CUL1: variants seen among roughly 807,000 people sequenced by gnomAD.
CUL1 encodes the protein cullin 1.
Under a neutral mutation model 118.0 loss-of-function variants are expected in CUL1, and 24 were observed. The ratio of observed to expected loss-of-function variants is 0.20; its 90% CI spans 0.15 to 0.29. CUL1 has a LOEUF of 0.29. Ranked by LOEUF, CUL1 falls within the 10% of genes least tolerant of loss-of-function variation. The pLI is 1.00. For synonymous variants in CUL1, 332 were observed against 340.4 expected (o/e 0.98, Z 0.27); for missense variants, 361 against 933.8 (o/e 0.39, Z 7.99).
In CUL1 at chr7:148,725,219, G is replaced by GCGCGCACACACACACACA; in HGVS notation, c.-161-4742_-161-4741insGCGCACACACACACACAC. Among the ~76,000 whole-genome samples, 156 of 140,140 alleles carry GCGCGCACACACACACACA rather than the reference G, an allele frequency of 1.1e-3. 1 individual carries two copies. Among genetic ancestry groups the GCGCGCACACACACACACA allele is most frequent in the East Asian group, 1.9e-3 (9 of 4,634 alleles). The allele number at this position is 140,140 out of a possible 152,430, so 91.9% of individuals were successfully genotyped here. The stretch of plus-strand genomic sequence containing the variant: ...CGTGTACACACACACACACGCGCGC[G>GCGCGCACACACACACACA]CTCACACACACACACACACACACAC... On this transcript the variant is annotated intron_variant, in intron 1 of 21. Transcript: ENST00000325222.
chr7:148,773,380 C>G (rs1800284753), intron 9 of CUL1, among the ~76,000 whole-genome samples: 1 of 152,060 alleles, frequency 6.6e-6, no homozygotes, highest in Non-Finnish European at 1.5e-5. Flanking sequence ...CAGCTCAAAT[C>G]CTCCCTTCTA....
intron 17 of CUL1, among the ~76,000 whole-genome samples, chr7:148,796,804 A>T (rs1288533686): frequency 6.6e-6 from 1 of 152,130 alleles, no homozygotes; most frequent in Non-Finnish European, 1.5e-5. Context: ...CTGGCTCAGG[A>T]AGTGGGCACC....
intron 12 of CUL1, 73 bp from the exon 13 acceptor site, chr7:148,786,916 C>T (rs938749139): frequency 4.8e-5 from 75 of 1,548,430 alleles, no homozygotes; most frequent in African/African-American, 2.3e-4. Flanking sequence ...GGCTTGTGGC[C>T]GGTGACAGTC....
chr7:148,783,844 T>C lies in CUL1; in HGVS notation c.1145T>C (p.Met382Thr). The change falls in exon 10 of 22, where the codon ATG (methionine) becomes ACG (threonine). Residue 382 changes from methionine (M) to threonine (T), a missense_variant. This residue lies in a region of CUL1 where 169 missense variants were observed against 429.7 expected (regional missense o/e 0.39). Transcript: ENST00000325222. ...DVHKKYNALV[M>T]SAFNNDAGFV... is the part of the protein sequence containing the mutation. ...CATAAAAAATACAATGCCCTGGTAA[T>C]GTCTGCATTCAACAATGACGCTGGC... The C allele has an allele frequency of 6.2e-6, 10 of 1,614,212 alleles. No individual in the cohort carries two copies. The highest frequency in any genetic ancestry group is 7.6e-6 in the Non-Finnish European group (9 of 1,180,048).
intron 1 of CUL1, among the ~76,000 whole-genome samples, chr7:148,721,317 C>T (rs1280614946): frequency 6.6e-6 from 1 of 152,198 alleles, no homozygotes; most frequent in African/African-American, 2.4e-5. Context: ...CATCGTTACC[C>T]CACAATATTT....
chr7:148,797,887 TAGA>T (rs1563172656), intron 18 of CUL1, 28 bp downstream of exon 18: 2 of 1,610,954 alleles, frequency 1.2e-6, no homozygotes, highest in African/African-American at 1.3e-5. Context: ...TATCTTACAC[TAGA>T]AGAAGCCTTT....
intron 12 of CUL1, 37 bp from the exon 13 acceptor site, chr7:148,786,952 G>A: frequency 5.0e-6 from 8 of 1,595,108 alleles, no homozygotes; most frequent in South Asian, 1.1e-5. Flanking sequence ...GCTTGTGTGT[G>A]TGCTGGTTAA....
intron 1 of CUL1, among the ~76,000 whole-genome samples, chr7:148,707,624 T>G (rs1797929213): frequency 6.6e-6 from 1 of 152,140 alleles, no homozygotes; most frequent in Non-Finnish European, 1.5e-5. Flanking sequence ...CATTAGCTGT[T>G]TTCCCTGGTG....
At chr7:148,698,057 G>A (rs1797579118), upstream of CUL1, 2 of 152,230 alleles carry the variant, frequency 1.3e-5, no homozygotes, top group East Asian at 3.8e-4. Flanking sequence ...GGAAAGCCTA[G>A]TTAGGTTTTA....
At chr7:148,731,575 G>A (rs1344667462) in intron 2 of CUL1, among the ~76,000 whole-genome samples, 1 of 152,132 alleles carries the variant, frequency 6.6e-6, no homozygotes, top group East Asian at 1.9e-4. Flanking sequence ...AAAGTATACA[G>A]TGCAGTGGTT....
At position 148,798,071 on chromosome 7, in the gene CUL1, G is replaced by T. The variant is rs1174087385; in HGVS notation, c.2030+52G>T. 8.2e-6 allele frequency: 9 copies of T among 1,100,018 alleles called. No individual in the cohort carries two copies. The African/African-American group carries it at 1.4e-4, about 17-fold the overall frequency. The allele number at this position is 1,100,018 out of a possible 1,614,324, so 68.1% of individuals were successfully genotyped here. ...CCCTTGACCATAGACACGTCCCCCG[G>T]GAGCCCTAGCACGGATCTCAGTATT... On this transcript the variant is annotated intron_variant, in intron 19 of 21. Coordinates refer to ENST00000325222, the MANE Select transcript of CUL1 (RefSeq NM_003592.3).
chr7:148,700,180 T>G (rs1409358945), intron 1 of CUL1, among the ~76,000 whole-genome samples: 1 of 152,214 alleles, frequency 6.6e-6, no homozygotes, highest in African/African-American at 2.4e-5. Flanking sequence ...TTGTTTGCTC[T>G]GTGTAATTGC....
intron 1 of CUL1, among the ~76,000 whole-genome samples, chr7:148,709,654 A>G (rs941143602): frequency 1.3e-5 from 2 of 152,222 alleles, no homozygotes; most frequent in African/African-American, 4.8e-5. Flanking sequence ...AAAAATATGG[A>G]CCGACTATTG....
chr7:148,763,979 A>G (rs1348244864), intron 7 of CUL1, among the ~76,000 whole-genome samples: 10 of 152,156 alleles, frequency 6.6e-5, no homozygotes, highest in Non-Finnish European at 4.4e-5. Context: ...TGTCTTTCCA[A>G]GGATGGCTTT....
intron 1 of CUL1, among the ~76,000 whole-genome samples, chr7:148,716,497 T>G (rs1798218641): frequency 6.6e-6 from 1 of 152,310 alleles, no homozygotes; most frequent in African/African-American, 2.4e-5. Flanking sequence ...CCATCTACAT[T>G]GAGAAGCCCC....
At position 148,799,448 on chromosome 7, in the gene CUL1, C is replaced by A; in HGVS notation, c.2250+60C>A. 10 of 1,153,616 alleles carry A rather than the reference C, an allele frequency of 8.7e-6. No homozygotes were observed. In the Admixed American group the frequency reaches 9.7e-5, roughly 11 times the overall value. The allele number at this position is 1,153,616 out of a possible 1,614,324, so 71.5% of individuals were successfully genotyped here. ...TTAATTTAGAAGATAAAAGATGTAG[C>A]AAAAAGTGGATTGATTGCTGTAGCA... On this transcript the variant is annotated intron_variant, in intron 21 of 21. Coordinates refer to ENST00000325222, the MANE Select transcript of CUL1 (RefSeq NM_003592.3).
chr7:148,795,822 C>T lies in CUL1; in HGVS notation c.1900-1990C>T, dbSNP rs79002258. Among the ~76,000 whole-genome samples, 1,281 of 150,128 alleles carry T rather than the reference C, an allele frequency of 8.5e-3. 14 individuals carry two copies. The highest frequency in any genetic ancestry group is 0.012 in the Non-Finnish European group (795 of 67,710). On this transcript the variant is annotated intron_variant, in intron 17 of 21. Coordinates refer to ENST00000325222, the MANE Select transcript of CUL1 (RefSeq NM_003592.3). ...TAATTATTGTATTTTGATTCTGTTT[C>T]CTATAACATTGCTAAATGTTTATTA...
chr7:148,755,793 T>G (rs1057023727), intron 3 of CUL1, among the ~76,000 whole-genome samples: 12 of 152,246 alleles, frequency 7.9e-5, no homozygotes, highest in African/African-American at 2.9e-4. Flanking sequence ...AACAAAAAAT[T>G]ATTTGTCTCA....
In CUL1 at chr7:148,779,991, C is replaced by T. The variant is rs552012400; in HGVS notation, c.1084-3792C>T. The stretch of plus-strand genomic sequence containing the variant: ...TCCTATGCTGGATGCTTCCTGCCCT[C>T]GAACGTCAGACTCCAGGTTCTTCAG... On this transcript the variant is annotated intron_variant, in intron 9 of 21. Coordinates refer to ENST00000325222, the MANE Select transcript of CUL1 (RefSeq NM_003592.3). Among the ~76,000 whole-genome samples, 182 of 152,316 alleles carry T rather than the reference C, an allele frequency of 1.2e-3. 1 individual carries two copies. Among genetic ancestry groups the T allele is most frequent in the Non-Finnish European group, 5.0e-4 (34 of 68,024 alleles).
Sources: gnomAD v4.1 joint callset for allele counts (sites outside exome capture counted in the v4.1 genomes callset) on GRCh38, gnomAD v4.1.1 for gene constraint, gnomAD v4.1.1 regional missense constraint, MANE v1.5 for transcripts, NCBI Gene and HGNC (gene_info 2026-07-23, HGNC 2026-07-21) for gene names.